ACSM2A: variants seen among roughly 807,000 people sequenced by gnomAD.
ACSM2A encodes acyl-coenzyme A synthetase ACSM2A, mitochondrial.
Under a neutral mutation model 76.6 loss-of-function variants are expected in ACSM2A, and 72 were observed. That is an observed-to-expected ratio of 0.94 (90% CI 0.78 to 1.14). ACSM2A has a LOEUF of 1.14. Among genes scored for constraint, ACSM2A ranks in the 50% most tolerant of loss-of-function variants. The pLI is 0.00. For synonymous variants in ACSM2A, 249 were observed against 255.9 expected (o/e 0.97, Z 0.26); for missense variants, 684 against 708.5 (o/e 0.97, Z 0.39).
chr16:20,467,502 A>G (rs1232195133), intron 3 of ACSM2A, among the ~76,000 whole-genome samples: 1 of 152,172 alleles, frequency 6.6e-6, no homozygotes, highest in African/African-American at 2.4e-5. Flanking sequence ...AGCGATGGTG[A>G]TGGCTTCAGT....
intron 6 of ACSM2A, 149 bp from the exon 7 acceptor site, chr16:20,475,213 T>C (rs2013660461): frequency 1.3e-6 from 2 of 1,518,892 alleles, no homozygotes; most frequent in African/African-American, 2.8e-5. Flanking sequence ...GTTGTGGGGC[T>C]CATTTAACCT....
intron 5 of ACSM2A, 144 bp downstream of exon 5, chr16:20,471,360 A>T: frequency 6.7e-7 from 1 of 1,496,752 alleles, no homozygotes; most frequent in South Asian, 1.3e-5. Flanking sequence ...ATGTGTGGAT[A>T]GAACAACTTT....
At chr16:20,478,456 T>C (rs985120926) in intron 9 of ACSM2A, 120 bp from the exon 10 acceptor site, 54 of 1,167,626 alleles carry the variant, frequency 4.6e-5, no homozygotes, top group African/African-American at 1.2e-4. Flanking sequence ...TTCTGGTTGT[T>C]GTTTTCAGTC....
rs187367135 is a variant in ACSM2A, at chr16:20,484,230, G to T, written c.1629+1053G>T. Among the ~76,000 whole-genome samples the T allele has an allele frequency of 7.2e-3, 1,079 of 149,482 alleles. 19 individuals are homozygous for T. The highest frequency in any genetic ancestry group is 0.025 in the African/African-American group (977 of 39,334). On this transcript the variant is annotated intron_variant, in intron 13 of 13. Coordinates refer to ENST00000573854, the MANE Select transcript of ACSM2A (RefSeq NM_001308172.2). ...CTACCCCATGACATGGACTGAGAGGGAGGGGTGGCTCCCCACAGGAAAAGG... is the reference window on the plus strand; with the variant it reads ...CTACCCCATGACATGGACTGAGAGGTAGGGGTGGCTCCCCACAGGAAAAGG...
At chr16:20,464,737 A>G (rs960987545) in intron 2 of ACSM2A, among the ~76,000 whole-genome samples, 2 of 152,118 alleles carry the variant, frequency 1.3e-5, no homozygotes, top group African/African-American at 4.8e-5. Flanking sequence ...GAATAGTCAA[A>G]TTCATAGAGT....
At chr16:20,486,055 C>T (rs1006384350) in intron 13 of ACSM2A, among the ~76,000 whole-genome samples, 2 of 152,292 alleles carry the variant, frequency 1.3e-5, no homozygotes, top group South Asian at 4.1e-4. Flanking sequence ...AATGAGGTAT[C>T]CTAATTCTTA....
In ACSM2A at chr16:20,460,059, G is replaced by A. The variant is rs570686569; in HGVS notation, c.-8-48G>A. ...CCTGAAGCTGCTGATGATCAGTAGA[G>A]CAATCTGTTAAAGAAGCTCTCACCT... On this transcript the variant is annotated intron_variant, in intron 1 of 13. Coordinates refer to ENST00000573854, the MANE Select transcript of ACSM2A (RefSeq NM_001308172.2). 40 of 1,547,310 alleles carry A rather than the reference G, an allele frequency of 2.6e-5. 1 individual carries two copies. The South Asian group carries it at 3.4e-4, about 13-fold the overall frequency.
intron 1 of ACSM2A, among the ~76,000 whole-genome samples, chr16:20,455,414 A>G (rs1488504694): frequency 2.0e-5 from 3 of 151,656 alleles, no homozygotes; most frequent in African/African-American, 7.2e-5. Flanking sequence ...CAGGTAATCT[A>G]TAAAGGAAAA....
intron 4 of ACSM2A, 175 bp from the exon 5 acceptor site, chr16:20,470,898 A>G (rs1053710214): frequency 9.9e-5 from 100 of 1,012,630 alleles, no homozygotes; most frequent in Non-Finnish European, 9.0e-6. Flanking sequence ...TAGTTTTCAA[A>G]CCCAACTCTG....
chr16:20,485,266 T>C (rs911949342), intron 13 of ACSM2A, among the ~76,000 whole-genome samples: 8 of 152,202 alleles, frequency 5.3e-5, no homozygotes, highest in African/African-American at 1.9e-4. Context: ...TACCACACAG[T>C]GTGCAGTGTC....
chr16:20,471,463 C>T (rs1188372891), intron 5 of ACSM2A, 73 bp from the exon 6 acceptor site: 1 of 1,543,022 alleles, frequency 6.5e-7, no homozygotes, highest in African/African-American at 1.4e-5. Context: ...CTTTCCTCCC[C>T]TACACCTTAG....
intron 3 of ACSM2A, among the ~76,000 whole-genome samples, chr16:20,468,921 G>A (rs1169131183): frequency 6.6e-6 from 1 of 152,150 alleles, no homozygotes; most frequent in Non-Finnish European, 1.5e-5. Flanking sequence ...TGAGGTGATG[G>A]ATATGTGAAT....
At chr16:20,479,675 T>A (rs4997156) in intron 10 of ACSM2A, among the ~76,000 whole-genome samples, 43,483 of 152,120 alleles carry the variant, frequency 0.29, 7,412 homozygotes, top group East Asian at 0.59. Flanking sequence ...TTCCTTTGTG[T>A]GGTCCCACTC....
intron 13 of ACSM2A, 103 bp downstream of exon 13, chr16:20,483,280 G>A (rs1596680959): frequency 6.5e-7 from 1 of 1,529,042 alleles, no homozygotes; most frequent in Non-Finnish European, 8.8e-7. Context: ...ATTTTAAAAA[G>A]TCTTCCTGGC....
intron 6 of ACSM2A, chr16:20,474,174 C>CA (rs1178942446): frequency 8.3e-6 from 3 of 360,272 alleles, no homozygotes; most frequent in Non-Finnish European, 1.6e-5. Context: ...AGGGCTCTGT[C>CA]ATGGCCATGG....
intron 1 of ACSM2A, among the ~76,000 whole-genome samples, chr16:20,453,018 T>A (rs1389774997): frequency 6.6e-6 from 1 of 152,052 alleles, no homozygotes; most frequent in African/African-American, 2.4e-5. Context: ...ACTCGGGGAT[T>A]CTATCTCACC....
chr16:20,485,279 A>G (rs944802181), intron 13 of ACSM2A, among the ~76,000 whole-genome samples: 2 of 152,190 alleles, frequency 1.3e-5, no homozygotes, highest in African/African-American at 4.8e-5. Context: ...GCAGTGTCTT[A>G]CTCAAATATC....
chr16:20,452,901 G>A (rs549298467), intron 1 of ACSM2A, among the ~76,000 whole-genome samples: 120 of 152,146 alleles, frequency 7.9e-4, no homozygotes, highest in African/African-American at 2.8e-3. Flanking sequence ...GGAGTTTAGT[G>A]ACCCTATACA....
chr16:20,475,615 G>A (rs761034566), intron 7 of ACSM2A, 35 bp from the exon 8 acceptor site: 1 of 1,613,060 alleles, frequency 6.2e-7, no homozygotes, highest in South Asian at 1.1e-5. Flanking sequence ...TGGTTCCAGG[G>A]AGGCTGAGGG....
Sources: allele counts gnomAD v4.1 joint callset (sites outside exome capture counted in the v4.1 genomes callset), GRCh38; gene constraint gnomAD v4.1.1; transcripts MANE v1.5; gene names NCBI Gene and HGNC (gene_info 2026-07-23, HGNC 2026-07-21).